Variants in MYO5A observed in about 807,000 individuals in gnomAD.
MYO5A encodes the protein unconventional myosin-Va.
A neutral mutation model predicts 249.7 loss-of-function variants in MYO5A; 98 were observed. That is an observed-to-expected ratio of 0.39 (90% confidence interval 0.33 to 0.46). MYO5A has a LOEUF of 0.46. Among genes scored for constraint, MYO5A ranks in the 20% least tolerant of loss-of-function variants. MYO5A has a pLI of 0.98. For synonymous variants in MYO5A, 778 were observed against 810.6 expected, an observed-to-expected ratio of 0.96 and a Z score of 0.68; for missense variants, 1,696 against 2,308.8, an observed-to-expected ratio of 0.73 and a Z score of 5.44.
At chr15:52,338,165 C>T (rs568538293) in intron 32 of MYO5A, among the ~76,000 whole-genome samples, 37 of 151,374 alleles carry the variant, frequency 2.4e-4, no homozygotes, top group African/African-American at 8.7e-4. Flanking sequence ...TTCCCTCCTC[C>T]AACCTCCTGC....
chr15:52,433,999 CTT>C (rs398043307), intron 1 of MYO5A, among the ~76,000 whole-genome samples: 122 of 127,266 alleles, frequency 9.6e-4, no homozygotes, highest in African/African-American at 2.3e-3. Flanking sequence ...CTTTCTTTTT[CTT>C]TTTTTTTTTT....
intron 1 of MYO5A, among the ~76,000 whole-genome samples, chr15:52,467,622 T>C (rs1452391038): frequency 1.3e-5 from 2 of 151,958 alleles, no homozygotes; most frequent in Non-Finnish European, 2.9e-5. Context: ...TTGATGAAAA[T>C]TTCCCAAGTC....
At chr15:52,486,825 A>G (rs11853078) in intron 1 of MYO5A, among the ~76,000 whole-genome samples, 22,855 of 152,194 alleles carry the variant, frequency 0.15, 1,823 homozygotes, top group Middle Eastern at 0.22. Context: ...GCCCACTGGA[A>G]TCATCAAAGG....
At chr15:52,392,135 G>T in intron 11 of MYO5A, 65 bp from the exon 12 acceptor site, 1 of 1,468,984 alleles carries the variant, frequency 6.8e-7, no homozygotes, top group Non-Finnish European at 9.4e-7. Context: ...TAGTCAAGAT[G>T]ATACCAACAT....
chr15:52,363,113 T>C (rs2040619642), intron 24 of MYO5A, among the ~76,000 whole-genome samples: 1 of 152,222 alleles, frequency 6.6e-6, no homozygotes, highest in Non-Finnish European at 1.5e-5. Flanking sequence ...AGCTTAGCTC[T>C]AACCATAACT....
At chr15:52,363,419 G>C (rs2040638379) in intron 24 of MYO5A, among the ~76,000 whole-genome samples, 1 of 152,196 alleles carries the variant, frequency 6.6e-6, no homozygotes, top group African/African-American at 2.4e-5. Flanking sequence ...AATCAGAGTA[G>C]TGAGGGTTGA....
chr15:52,329,030 C>T (rs2140952821), intron 35 of MYO5A: 1 of 152,262 alleles, frequency 6.6e-6, no homozygotes, highest in East Asian at 1.9e-4. Flanking sequence ...TTTACTCCAT[C>T]ATATATTTGT....
intron 1 of MYO5A, among the ~76,000 whole-genome samples, chr15:52,471,587 T>A (rs1312595641): frequency 1.7e-5 from 1 of 58,384 alleles, no homozygotes; most frequent in Non-Finnish European, 3.6e-5. Context: ...AGATTCTGTC[T>A]CTAAAACACA....
chr15:52,440,404 A>G (rs2075762406), intron 1 of MYO5A, among the ~76,000 whole-genome samples: 1 of 152,114 alleles, frequency 6.6e-6, no homozygotes, highest in South Asian at 2.1e-4. Context: ...AGTAGCCGAG[A>G]TTACAGGCAT....
chr15:52,334,437 A>G (rs939436152), intron 34 of MYO5A, among the ~76,000 whole-genome samples: 2 of 152,232 alleles, frequency 1.3e-5, no homozygotes, highest in African/African-American at 4.8e-5. Context: ...TTCTGCTAAT[A>G]GACATTATAG....
At chr15:52,342,085 G>A (rs530557096) in intron 31 of MYO5A, among the ~76,000 whole-genome samples, 39 of 152,268 alleles carry the variant, frequency 2.6e-4, no homozygotes, top group African/African-American at 8.9e-4. Context: ...TAGGCTGGGC[G>A]CAGTACCTCA....
rs1567066430 is a variant in MYO5A, at chr15:52,376,565, T to G, written c.2209-7A>C. 6.2e-7 allele frequency: 1 copy of G among 1,609,560 alleles called. No individual in the cohort carries two copies. Among genetic ancestry groups the G allele is most frequent in the Non-Finnish European group, 8.5e-7 (1 of 1,175,876 alleles). On this transcript the variant is annotated splice_region_variant and splice_polypyrimidine_tract_variant and intron_variant, in intron 18 of 41. Transcript: ENST00000399233. ...ACTGGTATTTGTCCTTGTCCTATTT[T>G]TGGAAGAAATTGTATATTCAGAAAT...
chr15:52,511,761 G>C (rs534358916), intron 1 of MYO5A, among the ~76,000 whole-genome samples: 2 of 152,108 alleles, frequency 1.3e-5, no homozygotes, highest in South Asian at 4.2e-4. Flanking sequence ...TGTTGTGCCT[G>C]GCATACTCTG....
chr15:52,500,410 G>T (rs921098350), intron 1 of MYO5A, among the ~76,000 whole-genome samples: 5 of 146,574 alleles, frequency 3.4e-5, no homozygotes, highest in Non-Finnish European at 7.4e-5. Context: ...GCAATAGCAC[G>T]ATCTCAGCTC....
intron 32 of MYO5A, among the ~76,000 whole-genome samples, chr15:52,338,503 T>C (rs991835256): frequency 6.6e-6 from 1 of 152,122 alleles, no homozygotes; most frequent in African/African-American, 2.4e-5. Context: ...GGCTTTAATA[T>C]CCTACTCAAG....
intron 1 of MYO5A, among the ~76,000 whole-genome samples, chr15:52,488,081 C>T (rs2076861581): frequency 6.6e-6 from 1 of 151,576 alleles, no homozygotes; most frequent in Non-Finnish European, 1.5e-5. Flanking sequence ...AGTTCCTTTA[C>T]TTTATTGAAC....
chr15:52,321,460 T>C lies in MYO5A; in HGVS notation c.4850A>G (p.Asn1617Ser), dbSNP rs771406925. ...CTGCCGATACTCAGCCAGGTCAAAA[T>C]TGGTGAGGCAGTGTTCATTCTGGCG... Reference protein sequence around the residue: ...TSRQNEHCLTNFDLAEYRQVL... With the variant: ...TSRQNEHCLTSFDLAEYRQVL... The change falls in exon 38 of 42, where the codon AAT (asparagine) becomes AGT (serine). Residue 1617 changes from asparagine to serine, a missense_variant. Transcript: ENST00000399233. The C allele has an allele frequency of 1.2e-6, 2 of 1,614,182 alleles. No individual in the cohort carries two copies. Among genetic ancestry groups the C allele is most frequent in the Non-Finnish European group, 1.7e-6 (2 of 1,180,030 alleles).
chr15:52,450,688 A>G (rs2075997877), intron 1 of MYO5A, among the ~76,000 whole-genome samples: 1 of 150,778 alleles, frequency 6.6e-6, no homozygotes, highest in Non-Finnish European at 1.5e-5. Flanking sequence ...AAAAAAATTT[A>G]GAAACAAGGT....
At chr15:52,361,020 T>C (rs1408775839) in intron 24 of MYO5A, among the ~76,000 whole-genome samples, 1 of 152,128 alleles carries the variant, frequency 6.6e-6, no homozygotes, top group African/African-American at 2.4e-5. Context: ...AAGAGCTTCT[T>C]TGTCTCTTCC....
Sources: gnomAD v4.1 joint callset for allele counts (sites outside exome capture counted in the v4.1 genomes callset) on GRCh38, gnomAD v4.1.1 for gene constraint, MANE v1.5 for transcripts, NCBI Gene and HGNC (gene_info 2026-07-23, HGNC 2026-07-21) for gene names.